The following FZD8 variants were observed in gnomAD, a reference collection of about 807,000 sequenced individuals.
FZD8 encodes frizzled class receptor 8.
A neutral mutation model predicts 46.0 loss-of-function variants in FZD8; 18 were observed. The ratio of observed to expected loss-of-function variants is 0.39; its 90% CI spans 0.27 to 0.58. The LOEUF (loss-of-function observed/expected upper bound fraction) is 0.58. FZD8 is among the 20% of genes least tolerant of loss of function. The pLI is 0.55. For synonymous variants in FZD8, 586 were observed against 467.9 expected (o/e 1.25, Z -3.26); for missense variants, 785 against 983.4 (o/e 0.80, Z 2.70).
rs1443260390 is a variant in FZD8, at chr10:35,640,890, G to A, written c.540C>T (p.Ser180=). ...TGGCCCCCGGCGGGCGGCCGTGGCC[G>A]CTGCCCGAAGGCGGCTGCTCGCCGG... ...PPPGEQPPSG[S]GHGRPPGARP... Residue 180 remains serine, a synonymous_variant, in exon 1 of 1, where the codon AGC becomes AGT. Coordinates refer to ENST00000374694, the MANE Select transcript of FZD8 (RefSeq NM_031866.3). 7.7e-6 allele frequency: 8 copies of A among 1,034,240 alleles called. No homozygotes were observed. Among genetic ancestry groups the A allele is most frequent in the African/African-American group, 3.5e-5 (2 of 57,744 alleles). The allele number at this position is 1,034,240 out of a possible 1,614,324, so 64.1% of individuals were successfully genotyped here.
In FZD8 at chr10:35,639,333, C is replaced by A. The variant is rs753420118; in HGVS notation, c.*12G>T. On this transcript the variant is annotated 3_prime_UTR_variant, in exon 1 of 1. Coordinates refer to ENST00000374694, the MANE Select transcript of FZD8 (RefSeq NM_031866.3). ...CCCTCCCCACCCCTCCTGGGCGCCC[C>A]CTCCCCTCCGCTCAGACCTGGGACA... 1 of 1,375,894 alleles carries A rather than the reference C, an allele frequency of 7.3e-7. No homozygotes were observed. The highest frequency in any genetic ancestry group is 3.0e-5 in the East Asian group (1 of 33,106). The allele number at this position is 1,375,894 out of a possible 1,614,324, so 85.2% of individuals were successfully genotyped here. A position where few individuals can be genotyped will look rare whatever the true frequency, so the allele number is the denominator to read the frequency against.
chr10:35,640,307 CGCCGCGCCCGCCCGG>C lies in FZD8; in HGVS notation c.1108_1122del (p.Pro370_Gly374del). On this transcript the variant is annotated inframe_deletion, in exon 1 of 1. Coordinates refer to ENST00000374694, the MANE Select transcript of FZD8 (RefSeq NM_031866.3). ...TCCACCGCGCCCAGCTCCTCGTACT[CGCCGCGCCCGCCCGG>C]GCCGCCCGCGCCCGCGCCCGCCGCG... 1 of 1,414,560 alleles carries C rather than the reference CGCCGCGCCCGCCCGG, an allele frequency of 7.1e-7. No homozygotes were observed. Among genetic ancestry groups the C allele is most frequent in the Non-Finnish European group, 9.3e-7 (1 of 1,074,166 alleles). The allele number at this position is 1,414,560 out of a possible 1,614,324, so 87.6% of individuals were successfully genotyped here. A position where few individuals can be genotyped will look rare whatever the true frequency, so the allele number is the denominator to read the frequency against.
rs897518413 is a variant in FZD8, at chr10:35,639,733, T to C, written c.1697A>G (p.Asn566Ser). 8 of 1,600,004 alleles carry C rather than the reference T, an allele frequency of 5.0e-6. No individual in the cohort carries two copies. Among genetic ancestry groups the C allele is most frequent in the Non-Finnish European group, 6.8e-6 (8 of 1,179,708 alleles). Residue 566 changes from asparagine (N) to serine (S), a missense_variant, in exon 1 of 1, where the codon AAC becomes AGC. By Grantham distance (46) the Asn-to-Ser change is conservative (BLOSUM62 1). This residue lies in a region of FZD8 where 185 missense variants were observed against 180.8 expected (regional missense o/e 1.02). Coordinates refer to ENST00000374694, the MANE Select transcript of FZD8 (RefSeq NM_031866.3). ...CTGCAGGTCCCGCAGGCACGGGCAG[T>C]TGTGCGTGGCCTCCCAGCGCGGGCG... The part of the protein sequence containing the change: ...HNRPRWEATH[N>S]CPCLRDLQPD...
In FZD8 at chr10:35,639,383, C is replaced by G. The variant is rs748276505; in HGVS notation, c.2047G>C (p.Val683Leu). 1 of 1,479,512 alleles carries G rather than the reference C, an allele frequency of 6.8e-7. No individual in the cohort carries two copies. The highest frequency in any genetic ancestry group is 1.3e-5 in the South Asian group (1 of 79,584). The allele number at this position is 1,479,512 out of a possible 1,614,324, so 91.6% of individuals were successfully genotyped here. ...AATGGCATCTGCTTTGGATAAGACA[C>G]GGAGCTCGCCGTGCCCGACCGCCAC... Reference protein sequence around the residue: ...LTWRSGTASSVSYPKQMPLSQ... With the variant: ...LTWRSGTASSLSYPKQMPLSQ... Residue 683 changes from valine (V) to leucine (L), a missense_variant, in exon 1 of 1, where the codon GTG becomes CTG. Physicochemically the swap from Val to Leu is conservative, Grantham distance 32 (BLOSUM62 1). Coordinates refer to ENST00000374694, the MANE Select transcript of FZD8 (RefSeq NM_031866.3).
chr10:35,641,696 C>T lies in FZD8; in HGVS notation c.-267G>A, dbSNP rs553947763. The T allele has an allele frequency of 9.4e-5, 38 of 405,938 alleles. No individual in the cohort carries two copies. The East Asian group carries it at 1.5e-3, about 16-fold the overall frequency. 25.1% of individuals were successfully genotyped at this position (405,938 alleles called of 1,614,324 possible). ...GCGGCTGCAGGCGCGCGCCACAGTC[C>T]GTAGGTCCGCTCTGCTGGCCCCGGG... On this transcript the variant is annotated 5_prime_UTR_variant, in exon 1 of 1. Coordinates refer to ENST00000374694, the MANE Select transcript of FZD8 (RefSeq NM_031866.3). The surrounding 1 kb of genome is among the most constrained non-coding windows in gnomAD (Gnocchi z 6.3).
At position 35,640,733 on chromosome 10, in the gene FZD8, G is replaced by T; in HGVS notation, c.697C>A (p.Gln233Lys). Residue 233 changes from glutamine to lysine, a missense_variant, in exon 1 of 1, where the codon CAG (glutamine) becomes AAG (lysine). Physicochemically the swap from Gln to Lys is moderately conservative, Grantham distance 53. Transcript: ENST00000374694. ...GGAAPCEPGC[Q>K]CRAPMVSVSS... Reference sequence around the variant, plus strand: ...ACGCTCACCATAGGCGCGCGGCACTGGCACCCGGGCTCGCAGGGAGCCGCG... The same window carrying T: ...ACGCTCACCATAGGCGCGCGGCACTTGCACCCGGGCTCGCAGGGAGCCGCG... The T allele has an allele frequency of 7.2e-7, 1 of 1,387,452 alleles. No individual in the cohort carries two copies. The highest frequency in any genetic ancestry group is 9.5e-7 in the Non-Finnish European group (1 of 1,053,498). The allele number at this position is 1,387,452 out of a possible 1,614,324, so 85.9% of individuals were successfully genotyped here. A position where few individuals can be genotyped will look rare whatever the true frequency, so the allele number is the denominator to read the frequency against.
At position 35,641,490 on chromosome 10, in the gene FZD8, G is replaced by GC. The variant is rs1554808066; in HGVS notation, c.-62_-61insG. ...GCGGCGCGCAGAGGGGTGCCGGGGG[G>GC]GGGGCCCACGAGAGAGCCGCAGACG... On this transcript the variant is annotated 5_prime_UTR_variant, in exon 1 of 1. Coordinates refer to ENST00000374694, the MANE Select transcript of FZD8 (RefSeq NM_031866.3). The surrounding 1 kb of genome is among the most constrained non-coding windows in gnomAD (Gnocchi z 6.3). 4 of 1,512,664 alleles carry GC rather than the reference G, an allele frequency of 2.6e-6. No homozygotes were observed. Among genetic ancestry groups the GC allele is most frequent in the Non-Finnish European group, 2.6e-6 (3 of 1,137,356 alleles). The allele number at this position is 1,512,664 out of a possible 1,614,324, so 93.7% of individuals were successfully genotyped here. A position where few individuals can be genotyped will look rare whatever the true frequency, so the allele number is the denominator to read the frequency against.
In FZD8 at chr10:35,641,319, C is replaced by G. The variant is rs763377004; in HGVS notation, c.111G>C (p.Glu37Asp). 8 of 1,614,006 alleles carry G rather than the reference C, an allele frequency of 5.0e-6. No homozygotes were observed. Among genetic ancestry groups the G allele is most frequent in the South Asian group, 1.1e-5 (1 of 91,082 alleles). The change falls in exon 1 of 1, where the codon GAG becomes GAC. Residue 37 changes from glutamate (E) to aspartate (D), a missense_variant. Around this residue, in one of 5 missense-constraint regions of FZD8, gnomAD observed 354 missense variants for 433.2 expected, o/e 0.82. Coordinates refer to ENST00000374694, the MANE Select transcript of FZD8 (RefSeq NM_031866.3). The surrounding 1 kb of genome is among the most constrained non-coding windows in gnomAD (Gnocchi z 6.3). ...TGCCCTTACACAGCGGCACGGTGAT[C>G]TCTTGGCATGCCAGCTCCTTGGCCG... is the stretch of plus-strand genomic sequence containing the variant. ...AASAKELACQ[E>D]ITVPLCKGIG...
Position 35,640,288 on chromosome 10 carries a change from G to C in FZD8, c.1142C>G (p.Ala381Gly). 3.1e-6 allele frequency: 5 copies of C among 1,587,684 alleles called. No individual in the cohort carries two copies. Among genetic ancestry groups the C allele is most frequent in the Non-Finnish European group, 3.4e-6 (4 of 1,172,772 alleles). ...GGRGEYEELG[A>G]VEQHVRYETT... ...CTCGTAGCGCACGTGCTGCTCCACC[G>C]CGCCCAGCTCCTCGTACTCGCCGCG... Residue 381 changes from alanine to glycine, a missense_variant, in exon 1 of 1, where the codon GCG becomes GGG. Transcript: ENST00000374694.
rs896453594 is a variant in FZD8 at position 35,641,490 on chromosome 10, G to GGC, written c.-62_-61insGC. The GGC allele has an allele frequency of 3.4e-5, 51 of 1,512,664 alleles. No homozygotes were observed. In the African/African-American group the frequency reaches 5.2e-4, roughly 16 times the overall value. 93.7% of individuals were successfully genotyped at this position (1,512,664 alleles called of 1,614,324 possible). A position where few individuals can be genotyped will look rare whatever the true frequency, so the allele number is the denominator to read the frequency against. On this transcript the variant is annotated 5_prime_UTR_variant, in exon 1 of 1. Coordinates refer to ENST00000374694, the MANE Select transcript of FZD8 (RefSeq NM_031866.3). The surrounding 1 kb of genome is among the most constrained non-coding windows in gnomAD (Gnocchi z 6.3). ...GCGGCGCGCAGAGGGGTGCCGGGGG[G>GGC]GGGGCCCACGAGAGAGCCGCAGACG... is the stretch of plus-strand genomic sequence containing the variant.
In FZD8 at chr10:35,639,323, C is replaced by G; in HGVS notation, c.*22G>C. 1 of 1,258,030 alleles carries G rather than the reference C, an allele frequency of 7.9e-7. No homozygotes were observed. The highest frequency in any genetic ancestry group is 1.1e-6 in the Non-Finnish European group (1 of 938,066). 77.9% of individuals were successfully genotyped at this position (1,258,030 alleles called of 1,614,324 possible). ...CTCCTCGCCCCCCTCCCCACCCCTCCTGGGCGCCCCCTCCCCTCCGCTCAG... is the reference window on the plus strand; with the variant it reads ...CTCCTCGCCCCCCTCCCCACCCCTCGTGGGCGCCCCCTCCCCTCCGCTCAG... On this transcript the variant is annotated 3_prime_UTR_variant, in exon 1 of 1. Transcript: ENST00000374694.
chr10:35,639,582 C>G lies in FZD8; in HGVS notation c.1848G>C (p.Leu616=). ...SGKTLESWRS[L]CTRCCWASKG... ...TGCTGGCCCAGCAGCAGCGGGTGCA[C>G]AGGGAGCGCCAGGACTCCAGCGTCT... The change falls in exon 1 of 1, where the codon CTG becomes CTC. Residue 616 remains leucine (L), a synonymous_variant. Transcript: ENST00000374694. 1.3e-6 allele frequency: 2 copies of G among 1,592,826 alleles called. No homozygotes were observed. The highest frequency in any genetic ancestry group is 1.7e-6 in the Non-Finnish European group (2 of 1,177,084).
chr10:35,639,993 G>A lies in FZD8; in HGVS notation c.1437C>T (p.Asp479=), dbSNP rs1342109345. ...GICYVGNQSL[D]NLRGFVLAPL... ...GCGCCAGCACGAAGCCGCGCAGGTT[G>A]TCCAGGCTCTGGTTGCCCACGTAGC... is the stretch of plus-strand genomic sequence containing the variant. The change falls in exon 1 of 1, where the codon GAC becomes GAT. Residue 479 remains aspartate (D), a synonymous_variant. Coordinates refer to ENST00000374694, the MANE Select transcript of FZD8 (RefSeq NM_031866.3). 6.2e-7 allele frequency: 1 copy of A among 1,612,634 alleles called. No homozygotes were observed. Among genetic ancestry groups the A allele is most frequent in the Admixed American group, 1.7e-5 (1 of 59,988 alleles).
At position 35,639,330 on chromosome 10, in the gene FZD8, C is replaced by A; in HGVS notation, c.*15G>T. Reference sequence around the variant, plus strand: ...CCCCCCTCCCCACCCCTCCTGGGCGCCCCCTCCCCTCCGCTCAGACCTGGG... The same window carrying A: ...CCCCCCTCCCCACCCCTCCTGGGCGACCCCTCCCCTCCGCTCAGACCTGGG... On this transcript the variant is annotated 3_prime_UTR_variant, in exon 1 of 1. Coordinates refer to ENST00000374694, the MANE Select transcript of FZD8 (RefSeq NM_031866.3). 1.2e-6 allele frequency: 1 copy of A among 841,246 alleles called. No homozygotes were observed. The highest frequency in any genetic ancestry group is 1.7e-6 in the Non-Finnish European group (1 of 576,476). 52.1% of individuals were successfully genotyped at this position (841,246 alleles called of 1,614,324 possible).
In FZD8 at chr10:35,641,751, C is replaced by T. The variant is rs921024661; in HGVS notation, c.-322G>A. ...GCTCAGCCCTCGCGGCGCAGAGCGG[C>T]CGGGCCTCGGCTCATCGTCCCGCGC... On this transcript the variant is annotated 5_prime_UTR_variant, in exon 1 of 1. Coordinates refer to ENST00000374694, the MANE Select transcript of FZD8 (RefSeq NM_031866.3). This position sits in a 1 kb window ranked among gnomAD's most constrained non-coding sequence, Gnocchi z 6.3. The T allele has an allele frequency of 2.2e-5, 5 of 228,988 alleles. No individual in the cohort carries two copies. The highest frequency in any genetic ancestry group is 3.3e-5 in the Non-Finnish European group (4 of 119,646). 14.2% of individuals were successfully genotyped at this position (228,988 alleles called of 1,614,324 possible).
Position 35,639,756 on chromosome 10 carries a change from G to C in FZD8, c.1674C>G (p.Arg558=). The change falls in exon 1 of 1, where the codon CGC becomes CGG. Residue 558 remains arginine (R), a synonymous_variant. Coordinates refer to ENST00000374694, the MANE Select transcript of FZD8 (RefSeq NM_031866.3). ...VACLFYEQHN[R]PRWEATHNCP... is the part of the protein sequence containing the mutation. ...AGTTGTGCGTGGCCTCCCAGCGCGG[G>C]CGGTTGTGCTGCTCGTAGAAGAGGC... The C allele has an allele frequency of 6.2e-7, 1 of 1,600,738 alleles. No individual in the cohort carries two copies. The highest frequency in any genetic ancestry group is 8.5e-7 in the Non-Finnish European group (1 of 1,179,794).
In FZD8 at chr10:35,638,442, A is replaced by G. The variant is rs1835796784; in HGVS notation, c.*903T>C. On this transcript the variant is annotated 3_prime_UTR_variant, in exon 1 of 1. Transcript: ENST00000374694. ...CAATTTTGATTTCAGTTCAACAATGATATTTACTTGGCTAACAACTTAAGA... is the reference window on the plus strand; with the variant it reads ...CAATTTTGATTTCAGTTCAACAATGGTATTTACTTGGCTAACAACTTAAGA... The G allele has an allele frequency of 6.5e-6, 1 of 152,702 alleles. No individual in the cohort carries two copies. 9.5% of individuals were successfully genotyped at this position (152,702 alleles called of 1,614,324 possible).
Position 35,639,414 on chromosome 10 carries a change from G to A in FZD8, c.2016C>T (p.Gly672=), listed in dbSNP as rs1835813269. The A allele has an allele frequency of 2.1e-6, 3 of 1,425,796 alleles. No homozygotes were observed. Among genetic ancestry groups the A allele is most frequent in the South Asian group, 1.4e-5 (1 of 73,768 alleles). 88.3% of individuals were successfully genotyped at this position (1,425,796 alleles called of 1,614,324 possible). A position where few individuals can be genotyped will look rare whatever the true frequency, so the allele number is the denominator to read the frequency against. The change falls in exon 1 of 1, where the codon GGC becomes GGT. Residue 672 remains glycine (G), a synonymous_variant. Transcript: ENST00000374694. The part of the protein sequence containing the change: ...GGSLYSDVST[G]LTWRSGTASS... ...TCGCCGTGCCCGACCGCCACGTCAG[G>A]CCAGTGCTGACGTCGCTGTAGAGGG...
Position 35,640,363 on chromosome 10 carries a change from G to A in FZD8, c.1067C>T (p.Ala356Val), listed in dbSNP as rs1835835824. Residue 356 changes from alanine to valine, a missense_variant, in exon 1 of 1, where the codon GCG (alanine) becomes GTG (valine). Ala to Val is a moderately conservative substitution (Grantham distance 64, BLOSUM62 0). Transcript: ENST00000374694. ...GCCCGCCGCGCCCGCGCCCGCCGCC[G>A]CGCCGCCCGCGCCCCCAGCGCCCCC... is the stretch of plus-strand genomic sequence containing the variant. ...GAGGAGGAGG[A>V]AAGAGAAGAG... 5.2e-6 allele frequency: 5 copies of A among 963,614 alleles called. No individual in the cohort carries two copies. The highest frequency in any genetic ancestry group is 6.4e-5 in the Admixed American group (1 of 15,668). The allele number at this position is 963,614 out of a possible 1,614,324, so 59.7% of individuals were successfully genotyped here. A position where few individuals can be genotyped will look rare whatever the true frequency, so the allele number is the denominator to read the frequency against.
Sources: allele counts gnomAD v4.1 joint callset, GRCh38; gene constraint gnomAD v4.1.1; regional missense constraint gnomAD v4.1.1; non-coding constraint Gnocchi (gnomAD v3.1); transcripts MANE v1.5; gene names NCBI Gene and HGNC (gene_info 2026-07-23, HGNC 2026-07-21).